The following CNBD1 variants were observed in gnomAD, a reference collection of about 807,000 sequenced individuals.
CNBD1 encodes the protein cyclic nucleotide binding domain containing 1.
In CNBD1, 71 loss-of-function variants were observed where a neutral mutation model predicts 54.4. The observed-to-expected ratio is 1.30, with a 90% confidence interval of 1.08 to 1.59. The LOEUF (loss-of-function observed/expected upper bound fraction) is 1.59. Ranked by LOEUF, CNBD1 falls within the 40% of genes most tolerant of loss-of-function variation. CNBD1 has a pLI of 0.00. For missense variants in CNBD1, 659 were observed against 518.0 expected (o/e 1.27, Z -2.64); for synonymous variants, 182 against 170.7 (o/e 1.07, Z -0.51).
chr8:87,081,510 T>C (rs183951145), intron 4 of CNBD1, among the ~76,000 whole-genome samples: 51 of 141,780 alleles, frequency 3.6e-4, no homozygotes, highest in African/African-American at 1.2e-3. Context: ...TTTTTGTTTT[T>C]GTTTTTTTTT....
intron 8 of CNBD1, among the ~76,000 whole-genome samples, chr8:87,335,377 T>C (rs1743639871): frequency 1.3e-5 from 2 of 152,154 alleles, no homozygotes; most frequent in Admixed American, 6.5e-5. Context: ...GTTTTATGAA[T>C]CTGGGTGCTC....
intron 5 of CNBD1, among the ~76,000 whole-genome samples, chr8:87,220,995 A>G (rs1814322572): frequency 6.6e-6 from 1 of 152,076 alleles, no homozygotes; most frequent in African/African-American, 2.4e-5. Flanking sequence ...CCCATATTTG[A>G]GAGTCACTCC....
chr8:87,092,503 ATGTGTGTG>A (rs71943371), intron 4 of CNBD1, among the ~76,000 whole-genome samples: 1 of 142,650 alleles, frequency 7.0e-6, no homozygotes, highest in African/African-American at 2.7e-5. Flanking sequence ...GTGTATATAT[ATGTGTGTG>A]TGTGTATGTG....
chr8:87,226,192 C>A (rs889790396), intron 5 of CNBD1, among the ~76,000 whole-genome samples: 6 of 151,852 alleles, frequency 4.0e-5, no homozygotes, highest in African/African-American at 1.5e-4. Context: ...AAAAAACCAG[C>A]TCCTGGATTC....
At chr8:87,123,430 A>G (rs1210445192) in intron 4 of CNBD1, among the ~76,000 whole-genome samples, 1 of 151,846 alleles carries the variant, frequency 6.6e-6, no homozygotes, top group African/African-American at 2.4e-5. Context: ...AGGTCACAGA[A>G]GTAATCAAAA....
intron 4 of CNBD1, among the ~76,000 whole-genome samples, chr8:87,055,933 TC>T (rs1810408754): frequency 7.3e-6 from 1 of 137,076 alleles, no homozygotes; most frequent in East Asian, 2.1e-4. Flanking sequence ...CTTCCTTCCT[TC>T]CTTCCTTCCT....
chr8:87,234,196 G>T (rs778330798), intron 5 of CNBD1, among the ~76,000 whole-genome samples: 1 of 152,060 alleles, frequency 6.6e-6, no homozygotes, highest in Non-Finnish European at 1.5e-5. Flanking sequence ...ACCCCTCAAA[G>T]TCATCCTTGA....
At chr8:87,312,659 AATATC>A (rs1294676904) in intron 8 of CNBD1, among the ~76,000 whole-genome samples, 4 of 152,054 alleles carry the variant, frequency 2.6e-5, no homozygotes, top group Non-Finnish European at 5.9e-5. Context: ...AATTTTCCAT[AATATC>A]ATATATTGAT....
intron 8 of CNBD1, among the ~76,000 whole-genome samples, chr8:87,324,477 C>A (rs1312651995): frequency 2.4e-4 from 35 of 147,702 alleles, no homozygotes; most frequent in Non-Finnish European, 2.2e-4. Context: ...GCCCCAATTT[C>A]AGCTCCTGTT....
At chr8:87,065,163 T>C (rs1810623060) in intron 4 of CNBD1, among the ~76,000 whole-genome samples, 3 of 152,034 alleles carry the variant, frequency 2.0e-5, no homozygotes, top group African/African-American at 7.2e-5. Context: ...GAAGAAGCTC[T>C]AATTTTGTCT....
At chr8:87,383,232 T>C (rs1811118754), downstream of CNBD1, among the ~76,000 whole-genome samples, 1 of 152,034 alleles carries the variant, frequency 6.6e-6, no homozygotes, top group South Asian at 2.1e-4. Context: ...AAAATAACAA[T>C]AGAAATGCTA....
intron 8 of CNBD1, among the ~76,000 whole-genome samples, chr8:87,346,185 G>A (rs2130923679): frequency 6.6e-6 from 1 of 152,018 alleles, no homozygotes; most frequent in South Asian, 2.1e-4. Flanking sequence ...GAGATTACAG[G>A]CATGCGCCAC....
intron 4 of CNBD1, among the ~76,000 whole-genome samples, chr8:87,190,959 C>T (rs1813598389): frequency 8.7e-6 from 1 of 115,550 alleles, no homozygotes; most frequent in African/African-American, 3.2e-5. Flanking sequence ...ATATGTGTAT[C>T]TGTATGAAAG....
At position 87,238,543 on chromosome 8, in the gene CNBD1, AG is replaced by A. The variant is rs570793231; in HGVS notation, c.771+1434del. ...AATTTTACAGCTCCACTTCTCCATC[AG>A]GGCCCTAGCCTTAGCATAAAATAAT... On this transcript the variant is annotated intron_variant, in intron 6 of 10. Transcript: ENST00000518476. 3.7e-3 allele frequency among the ~76,000 whole-genome samples: 565 copies of A among 152,274 alleles called. 5 individuals carry two copies. Among genetic ancestry groups the A allele is most frequent in the South Asian group, 0.029 (138 of 4,816 alleles).
At chr8:87,359,676 G>A (rs1306576056) in intron 10 of CNBD1, among the ~76,000 whole-genome samples, 2 of 151,922 alleles carry the variant, frequency 1.3e-5, no homozygotes, top group East Asian at 3.9e-4. Context: ...CCACCTCTAT[G>A]AAATAACATA....
chr8:87,369,241 A>G (rs1460782732), intron 10 of CNBD1, among the ~76,000 whole-genome samples: 3 of 152,048 alleles, frequency 2.0e-5, no homozygotes, highest in African/African-American at 4.8e-5. Flanking sequence ...ACATTGATAT[A>G]GCTAAGAAGC....
At chr8:87,246,583 A>G (rs967798568) in intron 6 of CNBD1, among the ~76,000 whole-genome samples, 1 of 152,102 alleles carries the variant, frequency 6.6e-6, no homozygotes, top group Non-Finnish European at 1.5e-5. Context: ...GAGATAGATG[A>G]CTTTAGGGAT....
At chr8:87,378,450 G>A (rs1043990226) in intron 10 of CNBD1, among the ~76,000 whole-genome samples, 15 of 151,220 alleles carry the variant, frequency 9.9e-5, no homozygotes, top group Middle Eastern at 3.4e-3. Flanking sequence ...GTTTTTCAAA[G>A]ATCAGATAGT....
chr8:87,068,126 G>A (rs1810690571), intron 4 of CNBD1, among the ~76,000 whole-genome samples: 1 of 151,892 alleles, frequency 6.6e-6, no homozygotes, highest in Non-Finnish European at 1.5e-5. Context: ...CTGTGATTTT[G>A]ACCTCCAATA....
Sources: allele counts gnomAD v4.1 joint callset (sites outside exome capture counted in the v4.1 genomes callset), GRCh38; gene constraint gnomAD v4.1.1; transcripts MANE v1.5; gene names NCBI Gene and HGNC (gene_info 2026-07-23, HGNC 2026-07-21).